Variants in SLC10A7 observed in about 807,000 individuals in gnomAD.
SLC10A7 encodes solute carrier family 10 member 7.
A neutral mutation model predicts 43.2 loss-of-function variants in SLC10A7; 29 were observed. The observed-to-expected ratio is 0.67, with a 90% confidence interval of 0.50 to 0.92. The LOEUF (loss-of-function observed/expected upper bound fraction) is 0.92, where lower values mean the gene tolerates loss of function less well. SLC10A7 is among the 40% of genes least tolerant of loss of function. SLC10A7 has a pLI of 0.00. For missense variants in SLC10A7, 295 were observed against 403.2 expected (o/e 0.73, Z 2.30); for synonymous variants, 152 against 144.8 (o/e 1.05, Z -0.35).
intron 5 of SLC10A7, among the ~76,000 whole-genome samples, chr4:146,424,121 G>A (rs1317239239): frequency 4.6e-5 from 7 of 152,120 alleles, no homozygotes; most frequent in South Asian, 2.1e-4. Flanking sequence ...GCAGAATCAC[G>A]GCTCACTGCA....
chr4:146,335,673 C>G (rs1733847379), intron 5 of SLC10A7, among the ~76,000 whole-genome samples: 1 of 151,986 alleles, frequency 6.6e-6, no homozygotes, highest in Non-Finnish European at 1.5e-5. Flanking sequence ...CCATCAAATA[C>G]CACCACTGAG....
At chr4:146,342,579 T>A (rs1421133164) in intron 5 of SLC10A7, among the ~76,000 whole-genome samples, 1 of 151,704 alleles carries the variant, frequency 6.6e-6, no homozygotes, top group Non-Finnish European at 1.5e-5. Context: ...TAAATTTTAA[T>A]AATAGTACTA....
intron 6 of SLC10A7, among the ~76,000 whole-genome samples, chr4:146,322,927 G>A (rs1732830985): frequency 6.6e-6 from 1 of 152,274 alleles, no homozygotes; most frequent in East Asian, 1.9e-4. Context: ...ACTGGTATGA[G>A]ATGGTATCTC....
chr4:146,407,414 C>T (rs1463395826), intron 5 of SLC10A7, among the ~76,000 whole-genome samples: 1 of 152,148 alleles, frequency 6.6e-6, no homozygotes, highest in Admixed American at 6.5e-5. Flanking sequence ...GATCTACGCT[C>T]TTTACAAATT....
intron 10 of SLC10A7, among the ~76,000 whole-genome samples, chr4:146,265,485 T>G (rs1369781735): frequency 6.6e-6 from 1 of 152,258 alleles, no homozygotes; most frequent in Non-Finnish European, 1.5e-5. Context: ...TCCTATTGAT[T>G]TCTTCATTTT....
intron 5 of SLC10A7, among the ~76,000 whole-genome samples, chr4:146,391,895 C>A (rs1300674137): frequency 2.6e-5 from 4 of 152,172 alleles, no homozygotes; most frequent in Non-Finnish European, 5.9e-5. Context: ...TACAAAATTA[C>A]CCTAAACAGT....
chr4:146,314,358 C>T (rs1732181563), intron 6 of SLC10A7, among the ~76,000 whole-genome samples: 2 of 152,102 alleles, frequency 1.3e-5, no homozygotes, highest in South Asian at 2.1e-4. Flanking sequence ...ATCAAGGGAA[C>T]ATATAGTTAG....
At chr4:146,451,890 G>A (rs1210262055) in intron 4 of SLC10A7, among the ~76,000 whole-genome samples, 1 of 152,044 alleles carries the variant, frequency 6.6e-6, no homozygotes, top group Non-Finnish European at 1.5e-5. Flanking sequence ...GCCGAGAGCA[G>A]CAAAAGCTAT....
At chr4:146,378,595 T>C (rs571304365) in intron 5 of SLC10A7, among the ~76,000 whole-genome samples, 30 of 152,358 alleles carry the variant, frequency 2.0e-4, no homozygotes, top group African/African-American at 7.0e-4. Context: ...GTTTGTGTCA[T>C]TCCAACTTGA....
intron 10 of SLC10A7, among the ~76,000 whole-genome samples, chr4:146,278,759 C>T (rs1228828641): frequency 6.6e-6 from 1 of 152,116 alleles, no homozygotes; most frequent in African/African-American, 2.4e-5. Context: ...TTTTGTCCAT[C>T]TTCTCATTGT....
chr4:146,512,313 T>C (rs1278515250), intron 2 of SLC10A7, among the ~76,000 whole-genome samples: 3 of 152,132 alleles, frequency 2.0e-5, no homozygotes, highest in Non-Finnish European at 4.4e-5. Context: ...GGCATAACTT[T>C]TCTGAAAATT....
At chr4:146,311,569 C>A (rs1731979099) in intron 6 of SLC10A7, among the ~76,000 whole-genome samples, 1 of 152,122 alleles carries the variant, frequency 6.6e-6, no homozygotes, top group African/African-American at 2.4e-5. Flanking sequence ...TCTTCACTTT[C>A]ATTAGCACCA....
At chr4:146,486,974 A>C (rs993705401) in intron 4 of SLC10A7, among the ~76,000 whole-genome samples, 4 of 152,216 alleles carry the variant, frequency 2.6e-5, no homozygotes, top group East Asian at 1.9e-4. Context: ...GCAACCTTTC[A>C]GTCAAATTGT....
rs149993678 is a variant in SLC10A7 at position 146,347,078 on chromosome 4, C to T, written c.436-21082G>A. ...GGTTTCAAAAGATGTAACATCTAAA[C>T]TAAGACCCAAATGATCAGTAAGAAT... On this transcript the variant is annotated intron_variant, in intron 5 of 11. Transcript: ENST00000335472. 1.5e-3 allele frequency among the ~76,000 whole-genome samples: 225 copies of T among 152,186 alleles called. 2 individuals are homozygous for T. Among genetic ancestry groups the T allele is most frequent in the African/African-American group, 4.8e-3 (198 of 41,524 alleles).
chr4:146,330,673 T>G (rs771376803), intron 5 of SLC10A7, among the ~76,000 whole-genome samples: 1 of 152,206 alleles, frequency 6.6e-6, no homozygotes, highest in African/African-American at 2.4e-5. Context: ...CTAACATTTA[T>G]GCAGTACTTA....
chr4:146,378,285 A>G (rs1737353422), intron 5 of SLC10A7, among the ~76,000 whole-genome samples: 1 of 152,190 alleles, frequency 6.6e-6, no homozygotes, highest in Admixed American at 6.5e-5. Context: ...AGAAAATTAT[A>G]ATCTCTCTCT....
chr4:146,495,190 CA>C (rs1735777535), intron 4 of SLC10A7, among the ~76,000 whole-genome samples: 1 of 152,172 alleles, frequency 6.6e-6, no homozygotes. Context: ...TCAATGCTGA[CA>C]ATGTTTTTCA....
At chr4:146,273,378 C>T (rs1424872126) in intron 10 of SLC10A7, among the ~76,000 whole-genome samples, 8 of 152,250 alleles carry the variant, frequency 5.3e-5, no homozygotes, top group Middle Eastern at 3.4e-3. Context: ...ATGGAAAGGA[C>T]GTGGGCTTTG....
At chr4:146,355,999 C>G (rs904552680) in intron 5 of SLC10A7, among the ~76,000 whole-genome samples, 6 of 147,956 alleles carry the variant, frequency 4.1e-5, no homozygotes, top group African/African-American at 1.5e-4. Context: ...TGTAACTAAC[C>G]TGCACAATGT....
Sources: allele counts gnomAD v4.1 joint callset (sites outside exome capture counted in the v4.1 genomes callset), GRCh38; gene constraint gnomAD v4.1.1; transcripts MANE v1.5; gene names NCBI Gene and HGNC (gene_info 2026-07-23, HGNC 2026-07-21).